Variants in MTMR3 observed in about 807,000 individuals in gnomAD.
MTMR3 encodes phosphatidylinositol-3,5-bisphosphate 3-phosphatase MTMR3.
In MTMR3, 32 loss-of-function variants were observed where a neutral mutation model predicts 132.4. The observed-to-expected ratio is 0.24, with a 90% CI of 0.18 to 0.32. The LOEUF (loss-of-function observed/expected upper bound fraction) is 0.32. Among genes scored for constraint, MTMR3 ranks in the 10% least tolerant of loss-of-function variants. The pLI is 1.00. For synonymous variants in MTMR3, 556 were observed against 550.3 expected (o/e 1.01, Z -0.14); for missense variants, 1,216 against 1,489.6 (o/e 0.82, Z 3.02).
At chr22:30,022,567 G>T in intron 18 of MTMR3, 42 bp from the exon 19 acceptor site, 1 of 1,550,010 alleles carries the variant, frequency 6.5e-7, no homozygotes, top group Non-Finnish European at 8.9e-7. Context: ...CCAGCTGGAT[G>T]GCCCATCTCC....
Position 30,019,518 on chromosome 22 carries a change from C to T in MTMR3, c.1859C>T (p.Ala620Val). ...AGATCATACGACAATCTGACCACAG[C>T]CTGTGACAACACAGTGCCTCTGGCC... Reference protein sequence around the residue: ...KTRSYDNLTTACDNTVPLASR... With the variant: ...KTRSYDNLTTVCDNTVPLASR... The change falls in exon 17 of 20, where the codon GCC becomes GTC. Residue 620 changes from alanine to valine, a missense_variant. Physicochemically the swap from Ala to Val is moderately conservative, Grantham distance 64. This residue lies in a region of MTMR3 where 852 missense variants were observed against 852.0 expected (regional missense o/e 1.00). Coordinates refer to ENST00000401950, the MANE Select transcript of MTMR3 (RefSeq NM_021090.4). 6.2e-7 allele frequency: 1 copy of T among 1,610,296 alleles called. No individual in the cohort carries two copies. Among genetic ancestry groups the T allele is most frequent in the South Asian group, 1.1e-5 (1 of 91,070 alleles).
At chr22:29,933,013 G>C in intron 1 of MTMR3, among the ~76,000 whole-genome samples, 1 of 152,032 alleles carries the variant, frequency 6.6e-6, no homozygotes, top group Non-Finnish European at 1.5e-5. Context: ...CTGTTGCTCA[G>C]GCTGGAGTGC....
intron 1 of MTMR3, among the ~76,000 whole-genome samples, chr22:29,902,425 T>TG (rs2065018698): frequency 6.7e-6 from 1 of 150,234 alleles, no homozygotes; most frequent in Admixed American, 6.6e-5. Context: ...TTTTTTTTTT[T>TG]GAGACGGAGT....
At chr22:29,961,167 C>T (rs1236518318) in intron 2 of MTMR3, among the ~76,000 whole-genome samples, 2 of 151,908 alleles carry the variant, frequency 1.3e-5, no homozygotes, top group Non-Finnish European at 2.9e-5. Context: ...GCAATAATAA[C>T]CCCTCTGCAA....
At chr22:29,952,507 G>A (rs187459525) in intron 1 of MTMR3, among the ~76,000 whole-genome samples, 95 of 152,030 alleles carry the variant, frequency 6.2e-4, no homozygotes, top group South Asian at 6.2e-3. Flanking sequence ...TCAATGCATG[G>A]TCATCAATAG....
At chr22:29,903,386 CT>C (rs2065036956) in intron 1 of MTMR3, among the ~76,000 whole-genome samples, 2 of 98,694 alleles carry the variant, frequency 2.0e-5, no homozygotes, top group African/African-American at 6.2e-5. Flanking sequence ...TTTTCTTTTT[CT>C]TTCTTTTTTT....
At chr22:29,963,109 T>C (rs2066345276) in intron 2 of MTMR3, among the ~76,000 whole-genome samples, 1 of 151,866 alleles carries the variant, frequency 6.6e-6, no homozygotes. Flanking sequence ...TTTATCTTTT[T>C]TTCTTTTATT....
At chr22:29,998,928 C>A in intron 8 of MTMR3, 71 bp downstream of exon 8, 3 of 970,282 alleles carry the variant, frequency 3.1e-6, no homozygotes, top group Admixed American at 2.6e-5. Context: ...TCTCATGTGG[C>A]AGAACATTTG....
intron 2 of MTMR3, among the ~76,000 whole-genome samples, chr22:29,964,159 T>TTAA (rs2066369611): frequency 6.6e-6 from 1 of 152,236 alleles, no homozygotes; most frequent in Admixed American, 6.5e-5. Flanking sequence ...CTCGTATATC[T>TTAA]AATTTTAAGA....
At chr22:29,908,083 C>G (rs761142207) in intron 1 of MTMR3, among the ~76,000 whole-genome samples, 3 of 152,110 alleles carry the variant, frequency 2.0e-5, no homozygotes, top group African/African-American at 7.2e-5. Flanking sequence ...GGAAGGACTT[C>G]CACAGTCGGA....
chr22:29,934,295 A>G (rs752099903), intron 1 of MTMR3, among the ~76,000 whole-genome samples: 1 of 152,164 alleles, frequency 6.6e-6, no homozygotes, highest in Non-Finnish European at 1.5e-5. Flanking sequence ...CGGGGCTTGC[A>G]GTGAGCTGAG....
chr22:30,020,002 C>T lies in MTMR3; in HGVS notation c.2343C>T (p.Val781=), dbSNP rs758932706. 1.9e-6 allele frequency: 3 copies of T among 1,613,936 alleles called. No individual in the cohort carries two copies. Among genetic ancestry groups the T allele is most frequent in the Non-Finnish European group, 2.5e-6 (3 of 1,179,890 alleles). ...GTGTTCTCCTCAGTTCTCTCCAGGT[C>T]CCCCCCAGGGGAGAGGATTCCCTGG... ...GLSVLLSSLQ[V]PPRGEDSLEV... The change falls in exon 17 of 20, where the codon GTC becomes GTT. Residue 781 remains valine, a synonymous_variant. Coordinates refer to ENST00000401950, the MANE Select transcript of MTMR3 (RefSeq NM_021090.4).
intron 1 of MTMR3, among the ~76,000 whole-genome samples, chr22:29,943,167 C>T (rs1046697468): frequency 6.6e-6 from 1 of 152,046 alleles, no homozygotes; most frequent in East Asian, 1.9e-4. Context: ...CCCTGACTTT[C>T]CGCAACAATG....
chr22:29,888,212 A>G (rs187599985), intron 1 of MTMR3, among the ~76,000 whole-genome samples: 1 of 152,078 alleles, frequency 6.6e-6, no homozygotes, highest in Non-Finnish European at 1.5e-5. Context: ...TAAAAATTAT[A>G]ATTTTCATTT....
intron 1 of MTMR3, among the ~76,000 whole-genome samples, chr22:29,909,463 A>G (rs1005079388): frequency 6.6e-6 from 1 of 152,152 alleles, no homozygotes; most frequent in Non-Finnish European, 1.5e-5. Flanking sequence ...TCTGTAAATT[A>G]TTTATTAGCT....
At chr22:29,886,063 A>C (rs1253294269) in intron 1 of MTMR3, among the ~76,000 whole-genome samples, 1 of 152,248 alleles carries the variant, frequency 6.6e-6, no homozygotes, top group African/African-American at 2.4e-5. Flanking sequence ...CCCAGTATCC[A>C]GCGCAGTTAT....
At chr22:29,951,662 G>A (rs2066082052) in intron 1 of MTMR3, among the ~76,000 whole-genome samples, 1 of 152,114 alleles carries the variant, frequency 6.6e-6, no homozygotes, top group South Asian at 2.1e-4. Context: ...TTCAGATTCT[G>A]TCTATTGCAG....
chr22:29,969,905 A>G (rs145038945), intron 2 of MTMR3, among the ~76,000 whole-genome samples: 4,419 of 152,210 alleles, frequency 0.029, 107 homozygotes, highest in South Asian at 0.035. Flanking sequence ...GGGCCTTGCT[A>G]CTGCTTTTAT....
intron 2 of MTMR3, among the ~76,000 whole-genome samples, chr22:29,967,226 TGTG>T (rs2066442164): frequency 1.1e-5 from 1 of 93,796 alleles, no homozygotes; most frequent in East Asian, 4.4e-4. Context: ...TGTGTGTGTG[TGTG>T]TGTGCATGCG....
Sources: gnomAD v4.1 joint callset for allele counts (sites outside exome capture counted in the v4.1 genomes callset) on GRCh38, gnomAD v4.1.1 for gene constraint, gnomAD v4.1.1 regional missense constraint, MANE v1.5 for transcripts, NCBI Gene and HGNC (gene_info 2026-07-23, HGNC 2026-07-21) for gene names.